Variants in UTS2B observed in about 807,000 individuals in gnomAD.
The protein encoded by UTS2B is urotensin-2B.
UTS2B carries 21 observed loss-of-function variants against 19.2 expected under a neutral mutation model. That is an observed-to-expected ratio of 1.09 (90% CI 0.78 to 1.58). The LOEUF (loss-of-function observed/expected upper bound fraction) is 1.58. Among genes scored for constraint, UTS2B ranks in the 40% most tolerant of loss-of-function variants. The pLI, the probability that UTS2B is intolerant of heterozygous loss-of-function variation, is 0.00. For missense variants in UTS2B, 138 were observed against 130.3 expected, an observed-to-expected ratio of 1.06 and a Z score of -0.29; for synonymous variants, 57 against 50.2, an observed-to-expected ratio of 1.14 and a Z score of -0.58.
At chr3:191,338,163 C>T in the UTS2B span, among the ~76,000 whole-genome samples, 1 of 152,194 alleles carries the variant, frequency 6.6e-6, no homozygotes, top group East Asian at 1.9e-4. Flanking sequence ...CACCGCTTCC[C>T]CATCAGCAAC....
chr3:191,335,199 A>G (rs1171602572), upstream of UTS2B, among the ~76,000 whole-genome samples: 1 of 152,206 alleles, frequency 6.6e-6, no homozygotes, highest in African/African-American at 2.4e-5. Context: ...TATGGAGACC[A>G]CTAAACTTAA....
chr3:191,329,563 C>T lies in UTS2B; in HGVS notation c.-665+851G>A, dbSNP rs549921256. 168 of 1,094,578 alleles carry T rather than the reference C, an allele frequency of 1.5e-4. No individual in the cohort carries two copies. The African/African-American group carries it at 2.6e-3, about 17-fold the overall frequency. The allele number at this position is 1,094,578 out of a possible 1,614,324, so 67.8% of individuals were successfully genotyped here. ...TCCGTTCTCCGGCCTGCGAGCCCTG[C>T]CGGCCGGACTTTGCGCCGCGTCCGG... On this transcript the variant is annotated intron_variant, in intron 1 of 8. Coordinates refer to ENST00000340524, the MANE Select transcript of UTS2B (RefSeq NM_198152.5).
At chr3:191,321,065 A>G (rs1297860978) in intron 2 of UTS2B, among the ~76,000 whole-genome samples, 1 of 152,240 alleles carries the variant, frequency 6.6e-6, no homozygotes, top group Non-Finnish European at 1.5e-5. Context: ...CCTCCAGAGT[A>G]AGAATAGTTA....
intron 2 of UTS2B, among the ~76,000 whole-genome samples, chr3:191,318,113 G>A (rs1039607473): frequency 7.9e-5 from 12 of 152,222 alleles, no homozygotes; most frequent in Admixed American, 5.2e-4. Context: ...TGTGCGATGA[G>A]AAGCAATGTT....
chr3:191,329,509 G>C (rs530233231), intron 1 of UTS2B: 4 of 586,864 alleles, frequency 6.8e-6, no homozygotes, highest in African/African-American at 6.0e-5. Flanking sequence ...CCGCTGCTTT[G>C]GTCACCAGCC....
intron 4 of UTS2B, among the ~76,000 whole-genome samples, chr3:191,294,352 A>C (rs1716801651): frequency 6.6e-6 from 1 of 151,984 alleles, no homozygotes; most frequent in Admixed American, 6.5e-5. Flanking sequence ...AGGGTCTATT[A>C]GAAGACGCAA....
intron 2 of UTS2B, among the ~76,000 whole-genome samples, chr3:191,327,777 G>C (rs1717787018): frequency 6.6e-6 from 1 of 152,016 alleles, no homozygotes; most frequent in Non-Finnish European, 1.5e-5. Context: ...ATTTGGGGAG[G>C]GAAACAGAAA....
chr3:191,316,467 C>G (rs1717454395), intron 2 of UTS2B, 28 bp from the exon 3 acceptor site: 1 of 152,296 alleles, frequency 6.6e-6, no homozygotes. Flanking sequence ...ATAGATCTCC[C>G]ACAGTGTGAA....
chr3:191,290,183 T>C (rs1012083599), intron 4 of UTS2B, among the ~76,000 whole-genome samples: 3 of 152,238 alleles, frequency 2.0e-5, no homozygotes, highest in Non-Finnish European at 4.4e-5. Flanking sequence ...TTAAATCTTT[T>C]ATCTCTCTCT....
chr3:191,290,611 A>G (rs990555614), intron 4 of UTS2B, among the ~76,000 whole-genome samples: 5 of 152,262 alleles, frequency 3.3e-5, no homozygotes, highest in African/African-American at 1.2e-4. Flanking sequence ...TGATTGCTCC[A>G]ATAACAGAGA....
chr3:191,279,934 T>C (rs1364952172), intron 5 of UTS2B, among the ~76,000 whole-genome samples: 2 of 152,100 alleles, frequency 1.3e-5, no homozygotes, highest in South Asian at 4.1e-4. Context: ...ATATTTTTAA[T>C]GTTTCTATCT....
chr3:191,277,526 A>T (rs1465933107), intron 6 of UTS2B: 1 of 152,068 alleles, frequency 6.6e-6, no homozygotes, highest in African/African-American at 2.4e-5. Flanking sequence ...CATTTCTTGG[A>T]GGACAATCTC....
chr3:191,310,355 T>G (rs1318319364), intron 3 of UTS2B, among the ~76,000 whole-genome samples: 4 of 152,142 alleles, frequency 2.6e-5, no homozygotes, highest in African/African-American at 9.7e-5. Context: ...GTAGGTTTCT[T>G]TACAGGCCAG....
chr3:191,306,007 T>C (rs1717130872), intron 3 of UTS2B, among the ~76,000 whole-genome samples: 1 of 152,216 alleles, frequency 6.6e-6, no homozygotes, highest in East Asian at 1.9e-4. Flanking sequence ...ATGTTCTCTA[T>C]TCTGTTCCAT....
the UTS2B span, among the ~76,000 whole-genome samples, chr3:191,337,252 G>C: frequency 6.6e-6 from 1 of 152,042 alleles, no homozygotes. Flanking sequence ...GGACAGTTCA[G>C]TTATCGGTAT....
At chr3:191,323,460 C>G (rs916798439) in intron 2 of UTS2B, among the ~76,000 whole-genome samples, 21 of 152,146 alleles carry the variant, frequency 1.4e-4, no homozygotes, top group African/African-American at 5.1e-4. Context: ...TGAGCTATCG[C>G]GCCTGACCTC....
At chr3:191,345,417 G>C in the UTS2B span, among the ~76,000 whole-genome samples, 2 of 152,120 alleles carry the variant, frequency 1.3e-5, no homozygotes, top group African/African-American at 4.8e-5. Flanking sequence ...AGACTGCTCT[G>C]TTTCTACCTT....
chr3:191,310,471 T>C (rs1409935531), intron 3 of UTS2B, among the ~76,000 whole-genome samples: 1 of 152,152 alleles, frequency 6.6e-6, no homozygotes, highest in Non-Finnish European at 1.5e-5. Context: ...CTGTAACAAA[T>C]CCTATTTAGT....
chr3:191,267,394 G>A lies in UTS2B; in HGVS notation c.*1022C>T, dbSNP rs1194100299. ...TAATTGACTTAGTAACAAGAACAAG[G>A]TGAAAAAATCATATGCATAATAAAT... On this transcript the variant is annotated 3_prime_UTR_variant, in exon 9 of 9. Coordinates refer to ENST00000340524, the MANE Select transcript of UTS2B (RefSeq NM_198152.5). 2.6e-5 allele frequency: 4 copies of A among 152,176 alleles called. No individual in the cohort carries two copies. Among genetic ancestry groups the A allele is most frequent in the African/African-American group, 4.8e-5 (2 of 41,442 alleles). The allele number at this position is 152,176 out of a possible 1,614,324, so 9.4% of individuals were successfully genotyped here. A position where few individuals can be genotyped will look rare whatever the true frequency, so the allele number is the denominator to read the frequency against.
Sources: allele counts gnomAD v4.1 joint callset (sites outside exome capture counted in the v4.1 genomes callset), GRCh38; gene constraint gnomAD v4.1.1; transcripts MANE v1.5; gene names NCBI Gene and HGNC (gene_info 2026-07-23, HGNC 2026-07-21).